The following RPTOR variants were observed in gnomAD, a reference collection of about 807,000 sequenced individuals.
RPTOR encodes the protein regulatory associated protein of MTOR complex 1.
A neutral mutation model predicts 169.9 loss-of-function variants in RPTOR; 21 were observed. The ratio of observed to expected loss-of-function variants is 0.12; its 90% CI spans 0.09 to 0.18. The LOEUF (loss-of-function observed/expected upper bound fraction) is 0.18, where lower values mean the gene tolerates loss of function less well. Among genes scored for constraint, RPTOR ranks in the 10% least tolerant of loss-of-function variants. The pLI is 1.00. For synonymous variants in RPTOR, 732 were observed against 753.2 expected (o/e 0.97, Z 0.46); for missense variants, 1,133 against 1,855.9 (o/e 0.61, Z 7.16).
chr17:80,757,982 C>T (rs1438410392), intron 6 of RPTOR, among the ~76,000 whole-genome samples: 3 of 152,106 alleles, frequency 2.0e-5, no homozygotes, highest in Non-Finnish European at 4.4e-5. Context: ...GAGATTGGTC[C>T]ACCTGACTCA....
chr17:80,560,953 G>C (rs1003994039), intron 1 of RPTOR, among the ~76,000 whole-genome samples: 2 of 152,124 alleles, frequency 1.3e-5, no homozygotes, highest in South Asian at 2.1e-4. Context: ...TCTGTGAGCC[G>C]GGGGGCTGGA....
chr17:80,601,405 C>T (rs1206159198), intron 1 of RPTOR, among the ~76,000 whole-genome samples: 1 of 51,282 alleles, frequency 1.9e-5, no homozygotes, highest in Non-Finnish European at 4.3e-5. Flanking sequence ...CGCTCTCCCA[C>T]ATCTCAGGGG....
At chr17:80,546,724 A>G (rs2084279536) in intron 1 of RPTOR, among the ~76,000 whole-genome samples, 1 of 152,134 alleles carries the variant, frequency 6.6e-6, no homozygotes, top group Non-Finnish European at 1.5e-5. Flanking sequence ...ATGGAATATT[A>G]TTGTTTTTTA....
chr17:80,924,024 C>T (rs547026839), intron 23 of RPTOR: 1 of 338,404 alleles, frequency 3.0e-6, no homozygotes, highest in East Asian at 5.5e-5. Flanking sequence ...TTACCTGGCT[C>T]TGCCCTTCCT....
chr17:80,930,451 G>A, intron 24 of RPTOR, among the ~76,000 whole-genome samples: 1 of 12,882 alleles, frequency 7.8e-5, no homozygotes, highest in African/African-American at 3.3e-4. Context: ...CTCATCCTCA[G>A]CTCATCCCCA....
At chr17:80,644,596 G>C (rs146073164) in intron 3 of RPTOR, among the ~76,000 whole-genome samples, 2 of 152,104 alleles carry the variant, frequency 1.3e-5, no homozygotes, top group Non-Finnish European at 2.9e-5. Flanking sequence ...GAAGGTGCGC[G>C]TCTCCTGCAA....
At chr17:80,694,712 TGGTC>T (rs1174401924) in intron 3 of RPTOR, among the ~76,000 whole-genome samples, 3 of 152,172 alleles carry the variant, frequency 2.0e-5, no homozygotes, top group Non-Finnish European at 4.4e-5. Context: ...GATGTGGTAT[TGGTC>T]GGAGTTGCTG....
chr17:80,904,666 C>G (rs368678886), intron 20 of RPTOR, among the ~76,000 whole-genome samples: 2 of 152,258 alleles, frequency 1.3e-5, no homozygotes, highest in East Asian at 3.9e-4. Flanking sequence ...GACTCCCTGC[C>G]GGGCAGGACC....
intron 6 of RPTOR, among the ~76,000 whole-genome samples, chr17:80,784,247 A>G (rs1292280426): frequency 6.6e-6 from 1 of 151,924 alleles, no homozygotes; most frequent in Non-Finnish European, 1.5e-5. Context: ...AGCCAAAAAA[A>G]AAAACACATA....
Position 80,884,200 on chromosome 17 carries a change from C to T in RPTOR, c.1842+228C>T, listed in dbSNP as rs377381426. Among the ~76,000 whole-genome samples, 12 of 152,312 alleles carry T rather than the reference C, an allele frequency of 7.9e-5. 1 individual carries two copies. Among genetic ancestry groups the T allele is most frequent in the African/African-American group, 2.6e-4 (11 of 41,568 alleles). On this transcript the variant is annotated intron_variant, in intron 16 of 33. Coordinates refer to ENST00000306801, the MANE Select transcript of RPTOR (RefSeq NM_020761.3). Reference sequence around the variant, plus strand: ...CCGGGGACAGTGGCACAGCTGCAAGCGGGGGTCCCAGAGGGAACCTCAGAG... The same window carrying T: ...CCGGGGACAGTGGCACAGCTGCAAGTGGGGGTCCCAGAGGGAACCTCAGAG...
chr17:80,745,845 G>A (rs906698568), intron 5 of RPTOR, among the ~76,000 whole-genome samples: 2 of 152,188 alleles, frequency 1.3e-5, no homozygotes, highest in Non-Finnish European at 2.9e-5. Flanking sequence ...GGGAAAGAAG[G>A]AGCCCAGTGT....
intron 6 of RPTOR, among the ~76,000 whole-genome samples, chr17:80,782,375 C>CTTTATTTATTTATTTT (rs2066949846): frequency 6.6e-6 from 1 of 151,928 alleles, no homozygotes; most frequent in Admixed American, 6.5e-5. Flanking sequence ...AAAAGAATCA[C>CTTTATTTATTTATTTT]TTTATTTATT....
intron 6 of RPTOR, among the ~76,000 whole-genome samples, chr17:80,756,024 C>T (rs2066677740): frequency 6.6e-6 from 1 of 152,230 alleles, no homozygotes; most frequent in South Asian, 2.1e-4. Flanking sequence ...TAAAGGAAGA[C>T]ACCTGTAACA....
At chr17:80,891,920 C>CG in intron 18 of RPTOR, 83 bp downstream of exon 18, 1 of 917,008 alleles carries the variant, frequency 1.1e-6, no homozygotes, top group Non-Finnish European at 1.7e-6. Context: ...TGCTCACCCT[C>CG]GCAGAGTCTA....
chr17:80,897,653 T>G (rs544927057), intron 20 of RPTOR, among the ~76,000 whole-genome samples: 4 of 152,358 alleles, frequency 2.6e-5, no homozygotes, highest in Admixed American at 1.3e-4. Flanking sequence ...GCGCTCCCCA[T>G]TGGCATTCAC....
At chr17:80,584,191 A>G (rs1334000748) in intron 1 of RPTOR, among the ~76,000 whole-genome samples, 1 of 152,104 alleles carries the variant, frequency 6.6e-6, no homozygotes, top group African/African-American at 2.4e-5. Context: ...AAGGGGAATC[A>G]GTGTCCTGAC....
At chr17:80,777,252 A>G (rs926347336) in intron 6 of RPTOR, among the ~76,000 whole-genome samples, 1 of 151,296 alleles carries the variant, frequency 6.6e-6, no homozygotes, top group African/African-American at 2.5e-5. Flanking sequence ...AAAAAAAGAA[A>G]AAAGAAAGTG....
rs1567953716 is a variant in RPTOR, at chr17:80,860,316, C to G, written c.1509+2416C>G. On this transcript the variant is annotated intron_variant, in intron 13 of 33. Transcript: ENST00000306801. This position sits in a 1 kb window ranked among gnomAD's most constrained non-coding sequence, Gnocchi z 5.8. Reference sequence around the variant, plus strand: ...ACCCTGTTGTCCAGGCACTGGCAGGCACCCCGAGCCACAGGCTCGTACCCC... The same window carrying G: ...ACCCTGTTGTCCAGGCACTGGCAGGGACCCCGAGCCACAGGCTCGTACCCC... 6.6e-6 allele frequency among the ~76,000 whole-genome samples: 1 copy of G among 152,218 alleles called. No homozygotes were observed. The highest frequency in any genetic ancestry group is 2.4e-5 in the African/African-American group (1 of 41,468).
intron 3 of RPTOR, among the ~76,000 whole-genome samples, chr17:80,665,194 G>T (rs1209708204): frequency 6.6e-6 from 1 of 152,086 alleles, no homozygotes; most frequent in Non-Finnish European, 1.5e-5. Context: ...CTAATTAGGT[G>T]GTTTGCCGGT....
Sources: gnomAD v4.1 joint callset for allele counts (sites outside exome capture counted in the v4.1 genomes callset) on GRCh38, gnomAD v4.1.1 for gene constraint, Gnocchi (gnomAD v3.1) non-coding constraint, MANE v1.5 for transcripts, NCBI Gene and HGNC (gene_info 2026-07-23, HGNC 2026-07-21) for gene names.